The following LYPD6 variants were observed in gnomAD, a reference collection of about 807,000 sequenced individuals.
The protein encoded by LYPD6 is LY6/PLAUR domain containing 6.
A neutral mutation model predicts 22.7 loss-of-function variants in LYPD6; 15 were observed. The ratio of observed to expected loss-of-function variants is 0.66; its 90% confidence interval spans 0.44 to 1.02. LYPD6 has a LOEUF of 1.02. Ranked by LOEUF, LYPD6 falls within the 50% of genes least tolerant of loss-of-function variation. The pLI is 0.00. For synonymous variants in LYPD6, 72 were observed against 77.5 expected, an observed-to-expected ratio of 0.93 and a Z score of 0.37; for missense variants, 189 against 208.4, an observed-to-expected ratio of 0.91 and a Z score of 0.57.
At chr2:149,358,694 G>T (rs765671782) in intron 1 of LYPD6, among the ~76,000 whole-genome samples, 1 of 151,942 alleles carries the variant, frequency 6.6e-6, no homozygotes, top group Non-Finnish European at 1.5e-5. Flanking sequence ...TATTTGACTA[G>T]AATTTGAATT....
intron 2 of LYPD6, among the ~76,000 whole-genome samples, chr2:149,438,675 T>A (rs1334760938): frequency 3.3e-5 from 5 of 152,214 alleles, no homozygotes; most frequent in African/African-American, 2.4e-5. Flanking sequence ...TAAAGGCAAA[T>A]CAAACACAGT....
chr2:149,383,008 A>C (rs575196964), intron 1 of LYPD6, among the ~76,000 whole-genome samples: 1 of 152,278 alleles, frequency 6.6e-6, no homozygotes, highest in African/African-American at 2.4e-5. Flanking sequence ...AATTCTAATA[A>C]GTGCTTTTTA....
chr2:149,437,407 A>T (rs1683457527), intron 1 of LYPD6, among the ~76,000 whole-genome samples: 1 of 152,128 alleles, frequency 6.6e-6, no homozygotes. Flanking sequence ...TCTCTGCTGG[A>T]TATGAGAGGG....
intron 1 of LYPD6, among the ~76,000 whole-genome samples, chr2:149,343,553 A>G (rs1187332771): frequency 2.0e-5 from 3 of 152,192 alleles, no homozygotes; most frequent in South Asian, 2.1e-4. Flanking sequence ...TCGTTAATGA[A>G]TGAATCTAAG....
chr2:149,365,960 T>C (rs979053597), intron 1 of LYPD6, among the ~76,000 whole-genome samples: 2 of 152,174 alleles, frequency 1.3e-5, no homozygotes, highest in African/African-American at 4.8e-5. Context: ...CTGATAGATC[T>C]TATAACCGTA....
At chr2:149,448,573 C>A (rs1032131813) in intron 2 of LYPD6, among the ~76,000 whole-genome samples, 1 of 152,122 alleles carries the variant, frequency 6.6e-6, no homozygotes, top group African/African-American at 2.4e-5. Flanking sequence ...CATCCCTAAC[C>A]CCTGACAACC....
chr2:149,412,465 G>A (rs1336735728), intron 1 of LYPD6, among the ~76,000 whole-genome samples: 1 of 142,852 alleles, frequency 7.0e-6, no homozygotes, highest in Non-Finnish European at 1.5e-5. Context: ...ATCCATCAGA[G>A]AAGCTATTTT....
Position 149,470,794 on chromosome 2 carries a change from C to A in LYPD6, c.460C>A (p.Arg154Ser). The change falls in exon 5 of 5, where the codon CGC becomes AGC. Residue 154 changes from arginine to serine, a missense_variant. By Grantham distance (110) the Arg-to-Ser change is moderately radical. Transcript: ENST00000334166. ...SPINQTNGHPRCMSVIVSCLW... is the reference protein window; with the variant it reads ...SPINQTNGHPSCMSVIVSCLW... ...TATAAATCAGACAAATGGGCACCCACGCTGTATGTCAGTGATAGTGTCCTG... is the reference window on the plus strand; with the variant it reads ...TATAAATCAGACAAATGGGCACCCAAGCTGTATGTCAGTGATAGTGTCCTG... 1 of 1,613,748 alleles carries A rather than the reference C, an allele frequency of 6.2e-7. No homozygotes were observed. The highest frequency in any genetic ancestry group is 8.5e-7 in the Non-Finnish European group (1 of 1,179,790).
chr2:149,411,835 A>C (rs1244999853), intron 1 of LYPD6, among the ~76,000 whole-genome samples: 2 of 152,220 alleles, frequency 1.3e-5, no homozygotes, highest in Non-Finnish European at 2.9e-5. Context: ...AACACAGTTT[A>C]GAAAATAAAG....
intron 3 of LYPD6, chr2:149,464,035 G>T (rs910108193): frequency 2.6e-6 from 1 of 381,798 alleles, no homozygotes; most frequent in African/African-American, 2.2e-5. Context: ...TAGGTAAAAG[G>T]TGTAGAGGAT....
chr2:149,461,420 C>T (rs1238569889), intron 3 of LYPD6, among the ~76,000 whole-genome samples: 1 of 151,752 alleles, frequency 6.6e-6, no homozygotes, highest in Non-Finnish European at 1.5e-5. Context: ...AAGAACTCTT[C>T]AGGCCCAAAT....
rs140677465 is a variant in LYPD6 at position 149,430,354 on chromosome 2, C to T, written c.-71-7284C>T. On this transcript the variant is annotated intron_variant, in intron 1 of 4. Transcript: ENST00000334166. ...ACCTCAGTTGATCCTCCTGCCTCAGCCTCCCAAAGTGCTGGGATTACAGGC... is the reference window on the plus strand; with the variant it reads ...ACCTCAGTTGATCCTCCTGCCTCAGTCTCCCAAAGTGCTGGGATTACAGGC... Among the ~76,000 whole-genome samples the T allele has an allele frequency of 1.4e-3, 215 of 152,300 alleles. 1 individual carries two copies. The highest frequency in any genetic ancestry group is 4.8e-3 in the African/African-American group (199 of 41,562).
intron 1 of LYPD6, among the ~76,000 whole-genome samples, chr2:149,394,262 T>C (rs1415698690): frequency 6.6e-6 from 1 of 152,160 alleles, no homozygotes; most frequent in African/African-American, 2.4e-5. Context: ...TTCTAGAAGC[T>C]TCCCTCCCCT....
intron 1 of LYPD6, among the ~76,000 whole-genome samples, chr2:149,369,376 C>T (rs537380495): frequency 1.3e-5 from 2 of 152,156 alleles, no homozygotes; most frequent in Non-Finnish European, 2.9e-5. Context: ...TGTCTAAAAA[C>T]CATCTTCCTC....
intron 1 of LYPD6, among the ~76,000 whole-genome samples, chr2:149,364,570 A>G (rs1382345141): frequency 6.8e-6 from 1 of 147,186 alleles, no homozygotes; most frequent in Non-Finnish European, 1.5e-5. Flanking sequence ...TTGCATGTTC[A>G]AAGTCAAGCT....
chr2:149,468,771 A>T lies in LYPD6; in HGVS notation c.344A>T (p.His115Leu). The part of the protein sequence containing the change: ...TGCRDSEHEG[H>L]KVCTSCCEGN... The stretch of plus-strand genomic sequence containing the variant: ...TGCAGAGACTCCGAGCATGAAGGCC[A>T]CAAGGTCTGGGCAACAGAGCAAGTG... Residue 115 changes from histidine to leucine, a missense_variant, in exon 4 of 5, where the codon CAC (histidine) becomes CTC (leucine). Physicochemically the swap from His to Leu is moderately conservative, Grantham distance 99. Transcript: ENST00000334166. The T allele has an allele frequency of 6.2e-7, 1 of 1,613,406 alleles. No individual in the cohort carries two copies. The highest frequency in any genetic ancestry group is 1.3e-5 in the African/African-American group (1 of 74,990).
At chr2:149,334,787 T>G in intron 1 of LYPD6, among the ~76,000 whole-genome samples, 1 of 151,618 alleles carries the variant, frequency 6.6e-6, no homozygotes, top group African/African-American at 2.4e-5. Context: ...AGAAGGGGGA[T>G]TGACGTATTA....
upstream of LYPD6, chr2:149,330,200 A>C (rs1385864336): frequency 6.6e-6 from 1 of 151,888 alleles, no homozygotes; most frequent in Non-Finnish European, 1.5e-5. Context: ...CGCGCACAGG[A>C]AGGTATCGGT....
At chr2:149,398,413 T>TTGTGTGTG (rs10584410) in intron 1 of LYPD6, among the ~76,000 whole-genome samples, 4 of 147,854 alleles carry the variant, frequency 2.7e-5, no homozygotes, top group African/African-American at 9.9e-5. Context: ...AAAGATGGCT[T>TTGTGTGTG]TGTGTGTGTG....
Sources: allele counts gnomAD v4.1 joint callset (sites outside exome capture counted in the v4.1 genomes callset), GRCh38; gene constraint gnomAD v4.1.1; transcripts MANE v1.5; gene names NCBI Gene and HGNC (gene_info 2026-07-23, HGNC 2026-07-21).